The following ME3 variants were observed in gnomAD, a reference collection of about 807,000 sequenced individuals.
The protein encoded by ME3 is NADP-dependent malic enzyme, mitochondrial.
In ME3, 48 loss-of-function variants were observed where a neutral mutation model predicts 68.9. The observed-to-expected ratio is 0.70, with a 90% confidence interval of 0.55 to 0.89. The LOEUF (loss-of-function observed/expected upper bound fraction) is 0.89, where lower values mean the gene tolerates loss of function less well. Among genes scored for constraint, ME3 ranks in the 40% least tolerant of loss-of-function variants. The probability of loss-of-function intolerance (pLI) is 0.00; values close to 1 mark genes in which losing one functional copy is unlikely to be tolerated. For missense variants in ME3, 675 were observed against 797.4 expected (o/e 0.85, Z 1.85); for synonymous variants, 320 against 318.8 (o/e 1.00, Z -0.04).
intron 4 of ME3, among the ~76,000 whole-genome samples, chr11:86,533,108 A>G (rs192620937): frequency 7.8e-4 from 119 of 152,264 alleles, no homozygotes; most frequent in Non-Finnish European, 1.2e-3. Flanking sequence ...AGGAACTAGA[A>G]AAAGAAAAAA....
At chr11:86,614,590 T>C (rs1942823687) in intron 2 of ME3, among the ~76,000 whole-genome samples, 1 of 152,166 alleles carries the variant, frequency 6.6e-6, no homozygotes, top group African/African-American at 2.4e-5. Flanking sequence ...GTCTCCAAAT[T>C]CCCAGGGTGG....
chr11:86,490,967 A>G (rs1476597606), intron 6 of ME3, among the ~76,000 whole-genome samples: 2 of 152,232 alleles, frequency 1.3e-5, no homozygotes, highest in South Asian at 2.1e-4. Context: ...GTCAACCATA[A>G]TGAGATACTG....
At chr11:86,540,837 A>G (rs1479272561) in intron 4 of ME3, among the ~76,000 whole-genome samples, 2 of 152,170 alleles carry the variant, frequency 1.3e-5, no homozygotes, top group Non-Finnish European at 2.9e-5. Flanking sequence ...GCCACTACTG[A>G]AGTGGCTGGC....
intron 7 of ME3, among the ~76,000 whole-genome samples, chr11:86,471,141 CTTTTTTTTTTTTT>C (rs1163128094): frequency 1.3e-5 from 1 of 75,044 alleles, no homozygotes; most frequent in Non-Finnish European, 2.4e-5. Flanking sequence ...AGGCCCAGAG[CTTTTTTTTTTTTT>C]TTTTTTTTTT....
At chr11:86,668,416 T>C (rs938025448) in intron 2 of ME3, among the ~76,000 whole-genome samples, 4 of 152,220 alleles carry the variant, frequency 2.6e-5, no homozygotes, top group Non-Finnish European at 1.5e-5. Flanking sequence ...TTTAAAAAAA[T>C]TGCTGGTAGA....
At chr11:86,613,547 C>A (rs372647048) in intron 2 of ME3, among the ~76,000 whole-genome samples, 1 of 152,100 alleles carries the variant, frequency 6.6e-6, no homozygotes, top group Non-Finnish European at 1.5e-5. Context: ...CTGCAGATGA[C>A]ATGATTTTAT....
At chr11:86,593,140 T>G (rs1959151685) in intron 2 of ME3, among the ~76,000 whole-genome samples, 1 of 152,214 alleles carries the variant, frequency 6.6e-6, no homozygotes, top group Non-Finnish European at 1.5e-5. Context: ...GCCAGGGTTA[T>G]AGTTCACTGT....
chr11:86,552,664 A>C (rs1159541030), intron 4 of ME3, among the ~76,000 whole-genome samples: 1 of 152,128 alleles, frequency 6.6e-6, no homozygotes, highest in Admixed American at 6.5e-5. Flanking sequence ...AGTTGAGTCC[A>C]ATCTCTCCCT....
intron 2 of ME3, among the ~76,000 whole-genome samples, chr11:86,602,752 A>C (rs1180513804): frequency 6.6e-6 from 1 of 152,194 alleles, no homozygotes; most frequent in African/African-American, 2.4e-5. Context: ...CAAAACAGAG[A>C]TATAGACCAA....
exon 7 of ME3, chr11:86,487,388 C>G (rs989201193): frequency 6.2e-7 from 1 of 1,614,046 alleles, no homozygotes; most frequent in Non-Finnish European, 8.5e-7. Flanking sequence ...GTATGCCTTC[C>G]CGTGCACGCG....
chr11:86,454,106 A>C (rs1949789287), intron 8 of ME3, among the ~76,000 whole-genome samples: 1 of 152,254 alleles, frequency 6.6e-6, no homozygotes, highest in Admixed American at 6.5e-5. Context: ...AAAGGAAATG[A>C]AAGTAGGACT....
rs1213396582 is a variant in ME3, at chr11:86,657,948, G to A, written c.183+13814C>T. Among the ~76,000 whole-genome samples the A allele has an allele frequency of 6.6e-5, 10 of 152,188 alleles. No individual in the cohort carries two copies. In the South Asian group the frequency reaches 1.9e-3, roughly 28 times the overall value. On this transcript the variant is annotated intron_variant, in intron 2 of 14. Coordinates refer to ENST00000543262, the Ensembl canonical transcript of ME3. ...AGGGATGCAAGTAAAGAAGACATGA[G>A]TTCTAGGACAGGAAGCAGGATAATG... is the stretch of plus-strand genomic sequence containing the variant.
chr11:86,463,958 T>C (rs1199793721), intron 8 of ME3: 1 of 227,368 alleles, frequency 4.4e-6, no homozygotes, highest in Non-Finnish European at 9.0e-6. Flanking sequence ...GAGATGCTAA[T>C]GTCTCATCGG....
intron 4 of ME3, among the ~76,000 whole-genome samples, chr11:86,553,129 G>A (rs1033273800): frequency 6.6e-6 from 1 of 152,200 alleles, no homozygotes; most frequent in Non-Finnish European, 1.5e-5. Context: ...CAAGTGAGAG[G>A]CAGGATGAGG....
chr11:86,573,308 CT>C (rs1957909905), intron 2 of ME3, among the ~76,000 whole-genome samples: 1 of 152,032 alleles, frequency 6.6e-6, no homozygotes, highest in South Asian at 2.1e-4. Context: ...TCAATTTTGA[CT>C]TTGGTTGCAA....
intron 2 of ME3, among the ~76,000 whole-genome samples, chr11:86,640,350 C>G (rs1944592332): frequency 6.6e-6 from 1 of 152,254 alleles, no homozygotes; most frequent in Admixed American, 6.5e-5. Context: ...TAGGCAGCCT[C>G]TGACTTTTAT....
chr11:86,508,740 C>T, intron 5 of ME3, 52 bp downstream of exon 5: 1 of 1,502,792 alleles, frequency 6.7e-7, no homozygotes, highest in Non-Finnish European at 9.3e-7. Flanking sequence ...CTGGTTTAGG[C>T]TGAAATGATT....
At chr11:86,615,148 G>A (rs1942868095) in intron 2 of ME3, among the ~76,000 whole-genome samples, 3 of 151,866 alleles carry the variant, frequency 2.0e-5, no homozygotes, top group South Asian at 2.1e-4. Context: ...TTCTTCCATC[G>A]GTACAAATCT....
At chr11:86,610,804 T>C (rs1449497337) in intron 2 of ME3, among the ~76,000 whole-genome samples, 3 of 152,206 alleles carry the variant, frequency 2.0e-5, no homozygotes, top group Non-Finnish European at 4.4e-5. Flanking sequence ...CAATGAGGAC[T>C]TGTTGCAACT....
Sources: gnomAD v4.1 joint callset for allele counts (sites outside exome capture counted in the v4.1 genomes callset) on GRCh38, gnomAD v4.1.1 for gene constraint, MANE v1.5 for transcripts, NCBI Gene and HGNC (gene_info 2026-07-23, HGNC 2026-07-21) for gene names.